PRKACB: variants seen among roughly 807,000 people sequenced by gnomAD.
The protein encoded by PRKACB is cAMP-dependent protein kinase catalytic subunit beta.
PRKACB carries 16 observed loss-of-function variants against 51.4 expected under a neutral mutation model. That is an observed-to-expected ratio of 0.31 (90% CI 0.21 to 0.47). The LOEUF (loss-of-function observed/expected upper bound fraction) is 0.47, where lower values mean the gene tolerates loss of function less well. Ranked by LOEUF, PRKACB falls within the 20% of genes least tolerant of loss-of-function variation. PRKACB has a pLI of 1.00. For missense variants in PRKACB, 309 were observed against 464.5 expected (o/e 0.67, Z 3.08); for synonymous variants, 147 against 154.4 (o/e 0.95, Z 0.35).
At chr1:84,208,686 G>C (rs1053108963) in intron 8 of PRKACB, among the ~76,000 whole-genome samples, 1 of 152,108 alleles carries the variant, frequency 6.6e-6, no homozygotes, top group Non-Finnish European at 1.5e-5. Context: ...CATTAAAATA[G>C]TATTCTAATG....
intron 1 of PRKACB, among the ~76,000 whole-genome samples, chr1:84,156,226 G>T (rs935698496): frequency 6.6e-6 from 1 of 151,856 alleles, no homozygotes; most frequent in Non-Finnish European, 1.5e-5. Flanking sequence ...GAACTCCTGG[G>T]GTCAAGCAAT....
At chr1:84,127,716 A>G (rs1651751676) in intron 1 of PRKACB, among the ~76,000 whole-genome samples, 1 of 152,084 alleles carries the variant, frequency 6.6e-6, no homozygotes, top group Non-Finnish European at 1.5e-5. Flanking sequence ...TGACTTTTGA[A>G]ATGTTATTTT....
chr1:84,236,578 C>G lies in PRKACB; in HGVS notation c.*1273C>G, dbSNP rs1365255063. 6.6e-6 allele frequency: 1 copy of G among 152,614 alleles called. No individual in the cohort carries two copies. Among genetic ancestry groups the G allele is most frequent in the African/African-American group, 2.4e-5 (1 of 41,454 alleles). The allele number at this position is 152,614 out of a possible 1,614,324, so 9.5% of individuals were successfully genotyped here. On this transcript the variant is annotated 3_prime_UTR_variant, in exon 10 of 10. Coordinates refer to ENST00000370685, the MANE Select transcript of PRKACB (RefSeq NM_182948.4). ...TATTTCATAATTTCTAACCTCTGTTCTCTCAGTAAACAGAATGTCTGATCG... is the reference window on the plus strand; with the variant it reads ...TATTTCATAATTTCTAACCTCTGTTGTCTCAGTAAACAGAATGTCTGATCG...
chr1:84,217,994 A>G (rs533674274), intron 9 of PRKACB, among the ~76,000 whole-genome samples: 26 of 152,154 alleles, frequency 1.7e-4, no homozygotes, highest in African/African-American at 5.8e-4. Flanking sequence ...ACATCTGTCT[A>G]TTTCTGAACT....
chr1:84,224,157 C>T (rs1175546808), intron 9 of PRKACB, among the ~76,000 whole-genome samples: 1 of 152,190 alleles, frequency 6.6e-6, no homozygotes, highest in African/African-American at 2.4e-5. Context: ...TGTGGTGAGG[C>T]TTTGCTGGGG....
At chr1:84,224,107 C>T (rs12039822) in intron 9 of PRKACB, among the ~76,000 whole-genome samples, 28,894 of 152,170 alleles carry the variant, frequency 0.19, 3,070 homozygotes, top group South Asian at 0.28. Context: ...TGGGTGTCTG[C>T]GATTTCCTCA....
chr1:84,151,157 T>C (rs1034840582), intron 1 of PRKACB, among the ~76,000 whole-genome samples: 2 of 152,178 alleles, frequency 1.3e-5, no homozygotes, highest in African/African-American at 4.8e-5. Flanking sequence ...ACCACCACAA[T>C]ACAACTAAAG....
chr1:84,143,281 A>G (rs984747526), upstream of PRKACB, among the ~76,000 whole-genome samples: 1 of 152,036 alleles, frequency 6.6e-6, no homozygotes, highest in Non-Finnish European at 1.5e-5. Flanking sequence ...GAGAAACCCC[A>G]TCTCTACTGA....
At chr1:84,078,759 T>C (rs1257521349) in intron 1 of PRKACB, among the ~76,000 whole-genome samples, 1 of 152,174 alleles carries the variant, frequency 6.6e-6, no homozygotes, top group Non-Finnish European at 1.5e-5. Flanking sequence ...GTGCTGTGGG[T>C]AAGGTTGGCT....
chr1:84,230,109 A>T lies in PRKACB; in HGVS notation c.1072-5071A>T, dbSNP rs1417565310. Among the ~76,000 whole-genome samples the T allele has an allele frequency of 4.6e-5, 7 of 152,170 alleles. No individual in the cohort carries two copies. The East Asian group carries it at 1.4e-3, about 29-fold the overall frequency. ...TAACCCATCTTGAATTGATTTTTGT[A>T]TAAGGTGTAAGGAAGGGATCCAGTT... On this transcript the variant is annotated intron_variant, in intron 9 of 9. Transcript: ENST00000370685.
chr1:84,108,184 G>A (rs971772017), intron 1 of PRKACB, among the ~76,000 whole-genome samples: 1 of 152,068 alleles, frequency 6.6e-6, no homozygotes, highest in African/African-American at 2.4e-5. Flanking sequence ...GAACATGGGT[G>A]GAACTGGAGG....
intron 1 of PRKACB, among the ~76,000 whole-genome samples, chr1:84,124,143 G>A (rs1364973208): frequency 6.6e-6 from 1 of 152,172 alleles, no homozygotes; most frequent in African/African-American, 2.4e-5. Context: ...GATCATCAGT[G>A]TGTTAGATTC....
In PRKACB at chr1:84,182,334, T is replaced by C; in HGVS notation, c.378+6T>C. 1 of 1,527,408 alleles carries C rather than the reference T, an allele frequency of 6.5e-7. No homozygotes were observed. Among genetic ancestry groups the C allele is most frequent in the South Asian group, 1.4e-5 (1 of 71,086 alleles). 94.6% of individuals were successfully genotyped at this position (1,527,408 alleles called of 1,614,324 possible). A position where few individuals can be genotyped will look rare whatever the true frequency, so the allele number is the denominator to read the frequency against. Reference sequence around the variant, plus strand: ...AGATCTTAGATAAGCAGAAGGTGAGTGTATTTGTTGTTATTTACCTTCAGG... The same window carrying C: ...AGATCTTAGATAAGCAGAAGGTGAGCGTATTTGTTGTTATTTACCTTCAGG... On this transcript the variant is annotated splice_donor_region_variant and intron_variant, in intron 3 of 9. Coordinates refer to ENST00000370685, the MANE Select transcript of PRKACB (RefSeq NM_182948.4).
chr1:84,083,616 A>G (rs1647721552), intron 1 of PRKACB, among the ~76,000 whole-genome samples: 1 of 152,234 alleles, frequency 6.6e-6, no homozygotes, highest in African/African-American at 2.4e-5. Context: ...TCATTTTGAC[A>G]TTCCATTAAA....
chr1:84,185,228 G>T (rs753734704), intron 5 of PRKACB, 46 bp downstream of exon 5: 2 of 1,358,544 alleles, frequency 1.5e-6, no homozygotes, highest in Non-Finnish European at 2.0e-6. Flanking sequence ...TGCTTGTGTT[G>T]TTTAACCAGA....
intron 1 of PRKACB, among the ~76,000 whole-genome samples, chr1:84,147,331 C>A (rs560202017): frequency 3.0e-4 from 46 of 152,066 alleles, no homozygotes; most frequent in African/African-American, 1.1e-3. Context: ...TTTACCTTTG[C>A]AAATTTTATA....
intron 5 of PRKACB, among the ~76,000 whole-genome samples, chr1:84,191,914 A>G (rs1192147546): frequency 6.6e-6 from 1 of 152,152 alleles, no homozygotes; most frequent in Non-Finnish European, 1.5e-5. Flanking sequence ...AATATTTTAT[A>G]TAAGCACCCA....
intron 1 of PRKACB, among the ~76,000 whole-genome samples, chr1:84,147,942 A>G (rs1654328688): frequency 6.6e-6 from 1 of 152,162 alleles, no homozygotes; most frequent in East Asian, 1.9e-4. Context: ...AAAGTGGAAA[A>G]TAATATAATG....
At chr1:84,112,268 T>C (rs1209621433) in intron 1 of PRKACB, among the ~76,000 whole-genome samples, 2 of 147,552 alleles carry the variant, frequency 1.4e-5, no homozygotes, top group Non-Finnish European at 3.0e-5. Flanking sequence ...AATCTCACTC[T>C]GTCTCCCAGG....
Sources: allele counts gnomAD v4.1 joint callset (sites outside exome capture counted in the v4.1 genomes callset), GRCh38; gene constraint gnomAD v4.1.1; transcripts MANE v1.5; gene names NCBI Gene and HGNC (gene_info 2026-07-23, HGNC 2026-07-21).